Variants in SCAI observed in about 807,000 individuals in gnomAD.
SCAI encodes the protein suppressor of cancer cell invasion, also known as protein SCAI.
SCAI carries 24 observed loss-of-function variants against 92.2 expected under a neutral mutation model. The ratio of observed to expected loss-of-function variants is 0.26; its 90% CI spans 0.19 to 0.37. The LOEUF is 0.37. Among genes scored for constraint, SCAI ranks in the 10% least tolerant of loss-of-function variants. SCAI has a pLI of 1.00. For missense variants in SCAI, 450 were observed against 736.2 expected (o/e 0.61, Z 4.50); for synonymous variants, 261 against 258.6 (o/e 1.01, Z -0.09).
intron 2 of SCAI, among the ~76,000 whole-genome samples, chr9:125,119,940 T>G (rs1297323464): frequency 6.6e-6 from 1 of 152,152 alleles, no homozygotes; most frequent in African/African-American, 2.4e-5. Flanking sequence ...GCTCCTCACA[T>G]AGTAGCCAGA....
chr9:125,125,395 G>A (rs1835240577), intron 2 of SCAI, among the ~76,000 whole-genome samples: 1 of 151,904 alleles, frequency 6.6e-6, no homozygotes, highest in Non-Finnish European at 1.5e-5. Context: ...AGGTGTAGTG[G>A]CACATGCCTG....
intron 6 of SCAI, among the ~76,000 whole-genome samples, chr9:125,021,177 T>G (rs374441691): frequency 2.0e-5 from 3 of 152,212 alleles, no homozygotes; most frequent in African/African-American, 7.2e-5. Context: ...GGACTAGATC[T>G]TGGGTGAGAA....
At chr9:124,996,206 C>T (rs560307373) in intron 13 of SCAI, among the ~76,000 whole-genome samples, 181 of 1,088 alleles carry the variant, frequency 0.17, no homozygotes, top group African/African-American at 0.34. Context: ...TGTGTGTGGG[C>T]GGTGGGGCGG....
intron 17 of SCAI, among the ~76,000 whole-genome samples, chr9:124,968,084 C>A (rs1283991429): frequency 6.6e-6 from 1 of 152,074 alleles, no homozygotes. Context: ...GGGAGGAAAT[C>A]AGACAATTAA....
At chr9:124,963,624 C>G (rs1019028976) in intron 17 of SCAI, among the ~76,000 whole-genome samples, 7 of 151,522 alleles carry the variant, frequency 4.6e-5, no homozygotes, top group African/African-American at 1.7e-4. Context: ...GTGGAACATG[C>G]CTGTAATCCC....
intron 2 of SCAI, among the ~76,000 whole-genome samples, chr9:125,139,626 G>A (rs2131277104): frequency 6.6e-6 from 1 of 152,276 alleles, no homozygotes; most frequent in Middle Eastern, 3.4e-3. Context: ...CCGTGGCTGG[G>A]AAAGTATGAA....
At chr9:125,006,893 T>C (rs981312423) in intron 9 of SCAI, among the ~76,000 whole-genome samples, 1 of 151,844 alleles carries the variant, frequency 6.6e-6, no homozygotes, top group African/African-American at 2.4e-5. Context: ...CTGAGGCAGG[T>C]GAATCACCTA....
At chr9:125,111,316 T>G (rs1834924715) in intron 2 of SCAI, among the ~76,000 whole-genome samples, 1 of 152,144 alleles carries the variant, frequency 6.6e-6, no homozygotes, top group African/African-American at 2.4e-5. Context: ...TTGATAAAAT[T>G]AAACATCCAT....
rs534199826 is a variant in SCAI, at chr9:125,138,572, G to A, written c.98+4061C>T. Among the ~76,000 whole-genome samples, 9 of 152,156 alleles carry A rather than the reference G, an allele frequency of 5.9e-5. No homozygotes were observed. In the South Asian group the frequency reaches 6.2e-4, roughly 11 times the overall value. On this transcript the variant is annotated intron_variant, in intron 2 of 17. Coordinates refer to ENST00000336505, the MANE Select transcript of SCAI (RefSeq NM_001144877.3). The stretch of plus-strand genomic sequence containing the variant: ...TGGGACTACAGGCACCTGCCACCAC[G>A]TCCAGCTGATTTTTTTTGTTTTTAG...
intron 5 of SCAI, among the ~76,000 whole-genome samples, chr9:125,027,141 C>T (rs1770148383): frequency 2.0e-5 from 3 of 152,040 alleles, no homozygotes; most frequent in South Asian, 4.2e-4. Context: ...TTTTTTGATG[C>T]CAACCCATAT....
At chr9:124,964,806 T>C (rs1006222226) in intron 17 of SCAI, among the ~76,000 whole-genome samples, 1 of 152,254 alleles carries the variant, frequency 6.6e-6, no homozygotes, top group African/African-American at 2.4e-5. Context: ...AAAGTTCCTG[T>C]TGTCCAGACC....
chr9:124,968,350 CT>C, intron 17 of SCAI: 2 of 1,200,774 alleles, frequency 1.7e-6, no homozygotes, highest in Non-Finnish European at 1.2e-6. Flanking sequence ...GTTTTTAAGG[CT>C]TTAGTGAGCT....
intron 2 of SCAI, among the ~76,000 whole-genome samples, chr9:125,101,741 C>A (rs747556896): frequency 6.6e-6 from 1 of 152,188 alleles, no homozygotes; most frequent in Non-Finnish European, 1.5e-5. Flanking sequence ...ATACATAGTA[C>A]TGACCAGCCA....
intron 6 of SCAI, among the ~76,000 whole-genome samples, chr9:125,024,837 T>C (rs1197526210): frequency 6.6e-6 from 1 of 152,182 alleles, no homozygotes. Context: ...TGGCTGTATG[T>C]AATATCTCCT....
In SCAI at chr9:125,091,902, G is replaced by C. The variant is rs1287700576; in HGVS notation, c.99-35895C>G. 6.6e-6 allele frequency among the ~76,000 whole-genome samples: 1 copy of C among 151,986 alleles called. No individual in the cohort carries two copies. The highest frequency in any genetic ancestry group is 2.4e-5 in the African/African-American group (1 of 41,372). The stretch of plus-strand genomic sequence containing the variant: ...CGAGGCGAGCAGATCACGAGGTCAG[G>C]AGATCGAGACCATCCTGGCTAACAC... On this transcript the variant is annotated intron_variant, in intron 2 of 17. Transcript: ENST00000336505. This position sits in a 1 kb window ranked among gnomAD's most constrained non-coding sequence, Gnocchi z 4.3.
At chr9:125,109,072 T>G (rs896823878) in intron 2 of SCAI, among the ~76,000 whole-genome samples, 5 of 152,196 alleles carry the variant, frequency 3.3e-5, no homozygotes, top group Non-Finnish European at 4.4e-5. Flanking sequence ...AACCCGCTGC[T>G]CTCTGAAACA....
chr9:124,970,070 T>C (rs1229446650), intron 17 of SCAI, among the ~76,000 whole-genome samples: 1 of 152,134 alleles, frequency 6.6e-6, no homozygotes, highest in Non-Finnish European at 1.5e-5. Context: ...GCCAGCCTGG[T>C]CTTGAACTCC....
chr9:125,025,742 C>G (rs1026557048), intron 6 of SCAI, among the ~76,000 whole-genome samples: 1 of 152,100 alleles, frequency 6.6e-6, no homozygotes, highest in South Asian at 2.1e-4. Context: ...TGCAAACGCC[C>G]CTAGACAAGT....
intron 2 of SCAI, among the ~76,000 whole-genome samples, chr9:125,122,588 CAAA>C (rs34757267): frequency 6.7e-5 from 4 of 59,956 alleles, no homozygotes; most frequent in African/African-American, 2.0e-4. Flanking sequence ...GACTCCATCT[CAAA>C]AAAAAAAAAA....
Sources: allele counts gnomAD v4.1 joint callset (sites outside exome capture counted in the v4.1 genomes callset), GRCh38; gene constraint gnomAD v4.1.1; non-coding constraint Gnocchi (gnomAD v3.1); transcripts MANE v1.5; gene names NCBI Gene and HGNC (gene_info 2026-07-23, HGNC 2026-07-21).